The following COL5A1 variants were observed in gnomAD, a reference collection of about 807,000 sequenced individuals.
COL5A1 encodes collagen alpha-1(V) chain.
In COL5A1, 16 loss-of-function variants were observed where a neutral mutation model predicts 263.7. That is an observed-to-expected ratio of 0.06 (90% CI 0.04 to 0.09). COL5A1 has a LOEUF of 0.09. Among genes scored for constraint, COL5A1 ranks in the 10% least tolerant of loss-of-function variants. The pLI is 1.00. For synonymous variants in COL5A1, 1,012 were observed against 1,004.5 expected (o/e 1.01, Z -0.14); for missense variants, 2,036 against 2,540.5 (o/e 0.80, Z 4.27).
chr9:134,788,559 G>C (rs1209792317), intron 31 of COL5A1, among the ~76,000 whole-genome samples: 1 of 142,836 alleles, frequency 7.0e-6, no homozygotes, highest in Non-Finnish European at 1.6e-5. Context: ...TAGGTAGGCA[G>C]ATGGAATGAA....
chr9:134,671,764 A>G (rs1266766657), intron 1 of COL5A1, among the ~76,000 whole-genome samples: 1 of 152,218 alleles, frequency 6.6e-6, no homozygotes, highest in Admixed American at 6.5e-5. Context: ...GCAGCATTTA[A>G]TAGGTGCTAA....
intron 1 of COL5A1, among the ~76,000 whole-genome samples, chr9:134,645,831 G>A (rs1014340912): frequency 1.3e-5 from 2 of 152,180 alleles, no homozygotes; most frequent in African/African-American, 4.8e-5. Flanking sequence ...AGAAGGCCAG[G>A]GCCCTGAGCT....
chr9:134,643,207 T>C (rs1831360721), intron 1 of COL5A1, among the ~76,000 whole-genome samples: 1 of 151,942 alleles, frequency 6.6e-6, no homozygotes, highest in Non-Finnish European at 1.5e-5. Context: ...TAGGCATCGC[T>C]CTTGGTAGTT....
intron 4 of COL5A1, among the ~76,000 whole-genome samples, chr9:134,711,227 C>A (rs918074766): frequency 6.6e-6 from 1 of 152,062 alleles, no homozygotes; most frequent in Admixed American, 6.5e-5. Context: ...GTTTCTCCCC[C>A]GTCTAAGGGA....
chr9:134,816,271 G>T (rs565803444), intron 52 of COL5A1, among the ~76,000 whole-genome samples: 1 of 152,154 alleles, frequency 6.6e-6, no homozygotes, highest in Non-Finnish European at 1.5e-5. Flanking sequence ...CCATGGGCTC[G>T]CCCGGGAACG....
At chr9:134,654,606 G>C (rs1181655793) in intron 1 of COL5A1, among the ~76,000 whole-genome samples, 4 of 132,406 alleles carry the variant, frequency 3.0e-5, no homozygotes, top group African/African-American at 1.2e-4. Flanking sequence ...AGTGTGTAGG[G>C]CTGAGGGTGT....
chr9:134,778,266 G>A (rs776982078), intron 27 of COL5A1, among the ~76,000 whole-genome samples: 2 of 152,220 alleles, frequency 1.3e-5, no homozygotes, highest in African/African-American at 2.4e-5. Context: ...GAAACCACTC[G>A]CCTCTCAGCA....
At chr9:134,658,216 G>A (rs1466344777) in intron 1 of COL5A1, among the ~76,000 whole-genome samples, 2 of 152,106 alleles carry the variant, frequency 1.3e-5, no homozygotes, top group Admixed American at 6.5e-5. Flanking sequence ...GTGGTGGGCA[G>A]CTCGCCCCTC....
chr9:134,655,947 G>A (rs1001586178), intron 1 of COL5A1, among the ~76,000 whole-genome samples: 2 of 152,208 alleles, frequency 1.3e-5, no homozygotes, highest in South Asian at 2.1e-4. Context: ...GAGGGTTGGA[G>A]TTCTCTGGGT....
intron 25 of COL5A1, among the ~76,000 whole-genome samples, chr9:134,769,102 A>G (rs979330559): frequency 2.0e-5 from 3 of 152,230 alleles, no homozygotes; most frequent in Non-Finnish European, 2.9e-5. Flanking sequence ...TTTGGTTTTG[A>G]TTATTCCGTT....
Position 134,642,259 on chromosome 9 carries a change from G to T in COL5A1, c.72G>T (p.Leu24=). The change falls in exon 1 of 66, where the codon CTG becomes CTT. Residue 24 remains leucine (L), a synonymous_variant. Coordinates refer to ENST00000371817, the MANE Select transcript of COL5A1 (RefSeq NM_000093.5). This position sits in a 1 kb window ranked among gnomAD's most constrained non-coding sequence, Gnocchi z 4.5. ...RPGAPLLPPL[L]LLLLWAPPPS... ...GCGCCCCGCTGCTGCCCCCGCTGCT[G>T]CTGCTGCTGCTGTGGGCGCCGCCTC... The T allele has an allele frequency of 8.0e-7, 1 of 1,244,650 alleles. No individual in the cohort carries two copies. Among genetic ancestry groups the T allele is most frequent in the Non-Finnish European group, 1.0e-6 (1 of 988,918 alleles). The allele number at this position is 1,244,650 out of a possible 1,614,324, so 77.1% of individuals were successfully genotyped here.
chr9:134,786,078 G>C (rs750347435), intron 31 of COL5A1, 30 bp downstream of exon 31: 1 of 1,588,360 alleles, frequency 6.3e-7, no homozygotes, highest in East Asian at 2.3e-5. Flanking sequence ...GGTGTCCCGG[G>C]ACAGGCGGAG....
intron 14 of COL5A1, 91 bp from the exon 15 acceptor site, chr9:134,753,759 T>TCCCCCCGCCCCCCCCCCCCCCCCCCCC: frequency 1.8e-6 from 1 of 540,648 alleles, no homozygotes; most frequent in Non-Finnish European, 3.7e-6. Context: ...CCCTGTCCCC[T>TCCCCCCGCCCCCCCCCCCCCCCCCCCC]CCCCCTGCCC....
chr9:134,791,612 CCCTT>C (rs1265129261), intron 32 of COL5A1, among the ~76,000 whole-genome samples: 1 of 151,850 alleles, frequency 6.6e-6, no homozygotes, highest in Non-Finnish European at 1.5e-5. Context: ...TGCAAAGGGA[CCCTT>C]CCTCTTTTGT....
intron 1 of COL5A1, among the ~76,000 whole-genome samples, chr9:134,675,114 G>T (rs547576525): frequency 6.6e-6 from 1 of 152,186 alleles, no homozygotes; most frequent in Admixed American, 6.5e-5. Context: ...GTCCTCTCCA[G>T]TTGGGACATC....
chr9:134,710,827 A>G (rs1156397524), intron 4 of COL5A1, among the ~76,000 whole-genome samples: 2 of 51,710 alleles, frequency 3.9e-5, no homozygotes, highest in Admixed American at 2.8e-4. Flanking sequence ...AGGGGACCCC[A>G]TCTGTTGGGT....
At chr9:134,797,783 G>A (rs768115765) in intron 36 of COL5A1, among the ~76,000 whole-genome samples, 1 of 152,098 alleles carries the variant, frequency 6.6e-6, no homozygotes, top group Non-Finnish European at 1.5e-5. Flanking sequence ...GAGCCCCCAC[G>A]CCCGGCCATC....
intron 29 of COL5A1, among the ~76,000 whole-genome samples, chr9:134,782,983 C>T (rs1203617765): frequency 6.6e-6 from 1 of 152,248 alleles, no homozygotes; most frequent in Non-Finnish European, 1.5e-5. Context: ...CAGTGTCCCA[C>T]ACAGGGGGTC....
Position 134,652,796 on chromosome 9 carries a change from G to A in COL5A1, c.109+10500G>A. On this transcript the variant is annotated intron_variant, in intron 1 of 65. Coordinates refer to ENST00000371817, the MANE Select transcript of COL5A1 (RefSeq NM_000093.5). The surrounding 1 kb of genome is among the most constrained non-coding windows in gnomAD (Gnocchi z 4.4). ...GCGTTTCTCCTCATGGTGTAGACCA[G>A]CAGTTCCCAAACTTTACCAGGCCCC... The A allele has an allele frequency of 4.3e-6, 2 of 462,268 alleles. No individual in the cohort carries two copies. Among genetic ancestry groups the A allele is most frequent in the East Asian group, 7.1e-5 (1 of 14,092 alleles). The allele number at this position is 462,268 out of a possible 1,614,324, so 28.6% of individuals were successfully genotyped here.
Sources: allele counts gnomAD v4.1 joint callset (sites outside exome capture counted in the v4.1 genomes callset), GRCh38; gene constraint gnomAD v4.1.1; non-coding constraint Gnocchi (gnomAD v3.1); transcripts MANE v1.5; gene names NCBI Gene and HGNC (gene_info 2026-07-23, HGNC 2026-07-21).